The following PUDP variants were observed in gnomAD, a reference collection of about 807,000 sequenced individuals.
PUDP encodes pseudouridine 5'-phosphatase.
Under a neutral mutation model 9.4 loss-of-function variants are expected in PUDP, and 8 were observed. That is an observed-to-expected ratio of 0.85 (90% CI 0.50 to 1.53). The LOEUF is 1.53. PUDP is among the 40% of genes most tolerant of loss of function. The probability of loss-of-function intolerance (pLI) is 0.00; values close to 1 mark genes in which losing one functional copy is unlikely to be tolerated. For missense variants in PUDP, 188 were observed against 189.7 expected, an observed-to-expected ratio of 0.99 and a Z score of 0.05; for synonymous variants, 99 against 80.7, an observed-to-expected ratio of 1.23 and a Z score of -1.22.
At chrX:6,771,711 G>T (rs1264696209) in intron 3 of PUDP, among the ~76,000 whole-genome samples, 1 of 112,301 alleles carries the variant, frequency 8.9e-6, no homozygotes, top group Non-Finnish European at 1.9e-5. Context: ...GTACATAAAT[G>T]ACTTAATACA....
At chrX:6,912,274 C>T (rs1927860466) in intron 3 of PUDP, among the ~76,000 whole-genome samples, 1 of 111,590 alleles carries the variant, frequency 9.0e-6, no homozygotes, top group Non-Finnish European at 1.9e-5. Context: ...TTTGTTGATT[C>T]AGAAGCTACA....
At chrX:7,116,676 A>G (rs1932201845) in intron 1 of PUDP, among the ~76,000 whole-genome samples, 1 of 112,164 alleles carries the variant, frequency 8.9e-6, no homozygotes, top group Admixed American at 9.4e-5. Flanking sequence ...ACCCTGCATC[A>G]GGTCAGTGTT....
At chrX:6,981,132 T>C (rs968361651) in intron 1 of PUDP, among the ~76,000 whole-genome samples, 1 of 112,014 alleles carries the variant, frequency 8.9e-6, no homozygotes, top group African/African-American at 3.2e-5. Context: ...AATTCAAATC[T>C]TCACCCAAAT....
intron 3 of PUDP, among the ~76,000 whole-genome samples, chrX:6,960,683 T>C (rs1464732527): frequency 8.9e-6 from 1 of 112,111 alleles, no homozygotes; most frequent in Non-Finnish European, 1.9e-5. Flanking sequence ...GGACATTGAA[T>C]GTAGGGAATT....
chrX:6,953,582 G>A (rs1394709455), intron 3 of PUDP, among the ~76,000 whole-genome samples: 5 of 110,766 alleles, frequency 4.5e-5, no homozygotes, highest in African/African-American at 1.6e-4. Flanking sequence ...TTTAGCCAGA[G>A]GTTCAAGATC....
intron 3 of PUDP, among the ~76,000 whole-genome samples, chrX:6,907,686 T>A (rs1288726053): frequency 3.6e-5 from 4 of 111,334 alleles, no homozygotes; most frequent in African/African-American, 6.5e-5. Context: ...CTCTGGGGTT[T>A]TTCATTAAAG....
chrX:6,967,698 C>T (rs951153915), intron 3 of PUDP, among the ~76,000 whole-genome samples: 1 of 111,786 alleles, frequency 8.9e-6, no homozygotes. Context: ...TCCCATCCTT[C>T]CCAGAGGCCT....
At chrX:6,894,924 A>G (rs1927566598) in intron 3 of PUDP, among the ~76,000 whole-genome samples, 1 of 111,478 alleles carries the variant, frequency 9.0e-6, no homozygotes. Flanking sequence ...CGTTTCAACA[A>G]TTACTTCAAA....
chrX:6,816,755 G>T (rs1424713194), intron 3 of PUDP, among the ~76,000 whole-genome samples: 1 of 90,107 alleles, frequency 1.1e-5, no homozygotes, highest in Admixed American at 1.4e-4. Flanking sequence ...ATACGATATA[G>T]TATATACAAT....
intron 3 of PUDP, among the ~76,000 whole-genome samples, chrX:6,854,852 G>C (rs1320582626): frequency 9.1e-6 from 1 of 109,729 alleles, no homozygotes; most frequent in Non-Finnish European, 1.9e-5. Context: ...GAAGTTCACT[G>C]ATAAGTGGAT....
intron 3 of PUDP, among the ~76,000 whole-genome samples, chrX:6,942,236 A>G (rs924493311): frequency 5.3e-5 from 6 of 112,467 alleles, no homozygotes; most frequent in African/African-American, 1.6e-4. Context: ...AAAATAAAAC[A>G]AAGTTCTACT....
intron 1 of PUDP, among the ~76,000 whole-genome samples, chrX:6,711,858 T>C (rs762201122): frequency 3.1e-4 from 35 of 112,548 alleles, no homozygotes; most frequent in Non-Finnish European, 6.0e-4. Context: ...GCTTCTCCAC[T>C]GTGTCCAGCT....
At chrX:6,841,555 C>G (rs1479879507) in intron 3 of PUDP, among the ~76,000 whole-genome samples, 1 of 110,024 alleles carries the variant, frequency 9.1e-6, no homozygotes, top group Non-Finnish European at 1.9e-5. Context: ...GAGCCATGTT[C>G]ATGCCACTGC....
At chrX:6,876,897 A>T (rs1156927499) in intron 3 of PUDP, among the ~76,000 whole-genome samples, 1 of 109,627 alleles carries the variant, frequency 9.1e-6, no homozygotes, top group Non-Finnish European at 1.9e-5. Context: ...ATATACATAT[A>T]GACATATATA....
intron 1 of PUDP, among the ~76,000 whole-genome samples, chrX:7,000,845 G>GTGAAAAGGTAA (rs1158014967): frequency 1.9e-5 from 2 of 107,463 alleles, no homozygotes; most frequent in Non-Finnish European, 3.8e-5. Context: ...ATATTTAATT[G>GTGAAAAGGTAA]TGAAAAGGTA....
chrX:6,907,619 AAAGT>A (rs1927788402), intron 3 of PUDP, among the ~76,000 whole-genome samples: 1 of 112,051 alleles, frequency 8.9e-6, no homozygotes, highest in African/African-American at 3.2e-5. Flanking sequence ...CACCTCCCAC[AAAGT>A]AAGAGCTCAA....
chrX:6,900,331 G>GGT (rs1056131084), intron 3 of PUDP, among the ~76,000 whole-genome samples: 1 of 106,803 alleles, frequency 9.4e-6, no homozygotes, highest in Non-Finnish European at 1.9e-5. Flanking sequence ...CCACTTGGGG[G>GGT]GGGGGGCGCT....
intron 3 of PUDP, among the ~76,000 whole-genome samples, chrX:6,863,231 T>C (rs1332989011): frequency 8.9e-6 from 1 of 112,137 alleles, no homozygotes; most frequent in Non-Finnish European, 1.9e-5. Flanking sequence ...CTGTCAATAA[T>C]GTTTTATAAA....
intron 1 of PUDP, among the ~76,000 whole-genome samples, chrX:7,132,226 G>A (rs1472817344): frequency 9.0e-6 from 1 of 111,190 alleles, no homozygotes; most frequent in African/African-American, 3.3e-5. Flanking sequence ...GGAACACCCT[G>A]AACATCTCAA....
Sources: gnomAD v4.1 joint callset for allele counts (sites outside exome capture counted in the v4.1 genomes callset) on GRCh38, gnomAD v4.1.1 for gene constraint, MANE v1.5 for transcripts, NCBI Gene and HGNC (gene_info 2026-07-23, HGNC 2026-07-21) for gene names.